The following FNDC1 variants were observed in gnomAD, a reference collection of about 807,000 sequenced individuals.
The protein encoded by FNDC1 is fibronectin type III domain containing 1.
A neutral mutation model predicts 168.0 loss-of-function variants in FNDC1; 96 were observed. The observed-to-expected ratio is 0.57, with a 90% CI of 0.48 to 0.68. FNDC1 has a LOEUF of 0.68. FNDC1 is among the 30% of genes least tolerant of loss of function. The probability of loss-of-function intolerance (pLI) is 0.00; values close to 1 mark genes in which losing one functional copy is unlikely to be tolerated. For synonymous variants in FNDC1, 1,099 were observed against 1,025.9 expected, an observed-to-expected ratio of 1.07 and a Z score of -1.36; for missense variants, 2,587 against 2,482.1, an observed-to-expected ratio of 1.04 and a Z score of -0.90.
chr6:159,174,706 C>G (rs1781728954), intron 1 of FNDC1, among the ~76,000 whole-genome samples: 1 of 152,230 alleles, frequency 6.6e-6, no homozygotes, highest in Non-Finnish European at 1.5e-5. Context: ...TTCAAATAAG[C>G]ACTGATGAGA....
Position 159,233,888 on chromosome 6 carries a change from A to G in FNDC1, c.3376A>G (p.Arg1126Gly). The change falls in exon 11 of 23, where the codon AGG becomes GGG. Residue 1126 changes from arginine (R) to glycine (G), a missense_variant. By Grantham distance (125) the Arg-to-Gly change is moderately radical. Coordinates refer to ENST00000297267, the MANE Select transcript of FNDC1 (RefSeq NM_032532.3). This position sits in a 1 kb window ranked among gnomAD's most constrained non-coding sequence, Gnocchi z 4.6. ...AGGCGCAGGGGCAGGTGGCGACCACAGGTCCCAGCGCGGACATGCGGCCTC... is the reference window on the plus strand; with the variant it reads ...AGGCGCAGGGGCAGGTGGCGACCACGGGTCCCAGCGCGGACATGCGGCCTC... The part of the protein sequence containing the change: ...PTGAGAGGDH[R>G]SQRGHAASPA... The G allele has an allele frequency of 6.5e-7, 1 of 1,547,302 alleles. No homozygotes were observed. The highest frequency in any genetic ancestry group is 8.7e-7 in the Non-Finnish European group (1 of 1,145,332).
chr6:159,196,952 T>A (rs1455432497), intron 1 of FNDC1, among the ~76,000 whole-genome samples: 1 of 152,228 alleles, frequency 6.6e-6, no homozygotes, highest in African/African-American at 2.4e-5. Context: ...TTTGTGGAAA[T>A]GAATGCTGCT....
chr6:159,220,462 C>T (rs1286093995), intron 5 of FNDC1, among the ~76,000 whole-genome samples: 1 of 152,156 alleles, frequency 6.6e-6, no homozygotes, highest in Non-Finnish European at 1.5e-5. Flanking sequence ...ATTAAAGCTG[C>T]AACAGGAGCC....
At chr6:159,270,573 G>A (rs381334) in intron 22 of FNDC1, among the ~76,000 whole-genome samples, 96,645 of 152,124 alleles carry the variant, frequency 0.64, 32,201 homozygotes, top group Middle Eastern at 0.75. Flanking sequence ...GGAAGGGCAG[G>A]CAGCTATTTA....
At chr6:159,216,745 T>C (rs1782717272) in intron 5 of FNDC1, among the ~76,000 whole-genome samples, 1 of 152,258 alleles carries the variant, frequency 6.6e-6, no homozygotes, top group Admixed American at 6.5e-5. Context: ...AAAGTACACT[T>C]GCCCTATGTT....
At chr6:159,245,436 A>G (rs1335077904) in intron 14 of FNDC1, among the ~76,000 whole-genome samples, 22 of 152,184 alleles carry the variant, frequency 1.4e-4, no homozygotes, top group Admixed American at 1.4e-3. Context: ...AGAGAGTTCT[A>G]TTTAATTGCT....
At chr6:159,263,626 G>T (rs1414466018) in intron 19 of FNDC1, among the ~76,000 whole-genome samples, 3 of 152,062 alleles carry the variant, frequency 2.0e-5, no homozygotes, top group Non-Finnish European at 2.9e-5. Context: ...GCCAGGTGTG[G>T]TGGCGGGCGC....
intron 1 of FNDC1, among the ~76,000 whole-genome samples, chr6:159,195,438 C>G (rs1782223521): frequency 6.6e-6 from 1 of 151,972 alleles, no homozygotes; most frequent in Admixed American, 6.6e-5. Flanking sequence ...TGGTAAACAG[C>G]TCTGGAGGTC....
intron 7 of FNDC1, among the ~76,000 whole-genome samples, chr6:159,225,196 C>CAT (rs2114980513): frequency 9.0e-6 from 1 of 110,812 alleles, no homozygotes; most frequent in South Asian, 3.8e-4. Flanking sequence ...CACACACACG[C>CAT]ACAGTCACAC....
intron 22 of FNDC1, among the ~76,000 whole-genome samples, chr6:159,269,225 C>T (rs1346123546): frequency 1.4e-5 from 2 of 138,154 alleles, no homozygotes; most frequent in Non-Finnish European, 3.0e-5. Context: ...ATCTATCTAT[C>T]TATCTATCTA....
intron 14 of FNDC1, among the ~76,000 whole-genome samples, chr6:159,244,353 A>G (rs1281945643): frequency 6.6e-6 from 1 of 152,214 alleles, no homozygotes; most frequent in East Asian, 1.9e-4. Flanking sequence ...TGGCCATTCC[A>G]CCCCTAAACG....
At chr6:159,178,541 AC>A (rs965097727) in intron 1 of FNDC1, among the ~76,000 whole-genome samples, 1 of 152,068 alleles carries the variant, frequency 6.6e-6, no homozygotes, top group Admixed American at 6.5e-5. Flanking sequence ...CCCCTGTGCT[AC>A]CTAATGTAGC....
At position 159,234,198 on chromosome 6, in the gene FNDC1, C is replaced by T; in HGVS notation, c.3686C>T (p.Ala1229Val). The T allele has an allele frequency of 6.3e-7, 1 of 1,598,744 alleles. No individual in the cohort carries two copies. Among genetic ancestry groups the T allele is most frequent in the Non-Finnish European group, 8.5e-7 (1 of 1,172,722 alleles). Residue 1229 changes from alanine (A) to valine (V), a missense_variant, in exon 11 of 23, where the codon GCG becomes GTG. Physicochemically the swap from Ala to Val is moderately conservative, Grantham distance 64. Transcript: ENST00000297267. The stretch of plus-strand genomic sequence containing the variant: ...AAGGAAGAGAGGGAGCCTGCCATCG[C>T]GCTTGCCCCTCGCGGAGGGAGCCTG... The part of the protein sequence containing the change: ...LAKEEREPAI[A>V]LAPRGGSLAP...
rs1477772717 is a variant in FNDC1 at position 159,234,465 on chromosome 6, C to T, written c.3953C>T (p.Pro1318Leu). Residue 1318 changes from proline to leucine, a missense_variant, in exon 11 of 23, where the codon CCC becomes CTC. Coordinates refer to ENST00000297267, the MANE Select transcript of FNDC1 (RefSeq NM_032532.3). Reference sequence around the variant, plus strand: ...CCTCTCTCCCGACAGCCTGCCAGACCCTCTTACAGACAAGGTAGTTTATTT... The same window carrying T: ...CCTCTCTCCCGACAGCCTGCCAGACTCTCTTACAGACAAGGTAGTTTATTT... Reference protein sequence around the residue: ...RNPLSRQPARPSYRQGYNGRP... With the variant: ...RNPLSRQPARLSYRQGYNGRP... The T allele has an allele frequency of 1.2e-6, 2 of 1,613,246 alleles. No individual in the cohort carries two copies. The highest frequency in any genetic ancestry group is 2.7e-5 in the African/African-American group (2 of 74,930).
Position 159,238,587 on chromosome 6 carries a change from G to A in FNDC1, c.4102G>A (p.Ala1368Thr), listed in dbSNP as rs752344023. 3.1e-6 allele frequency: 5 copies of A among 1,611,826 alleles called. No homozygotes were observed. The highest frequency in any genetic ancestry group is 1.7e-4 in the Middle Eastern group (1 of 6,060). ...VDLDRGLVLNAEGRYLQDSHG... is the reference protein window; with the variant it reads ...VDLDRGLVLNTEGRYLQDSHG... ...CCTTGATCGTGGGTTAGTATTGAAT[G>A]CAGAAGGAAGGTACCTCCAAGATTC... The change falls in exon 13 of 23, where the codon GCA (alanine) becomes ACA (threonine). Residue 1368 changes from alanine to threonine, a missense_variant. Ala to Thr is a moderately conservative substitution (Grantham distance 58). Coordinates refer to ENST00000297267, the MANE Select transcript of FNDC1 (RefSeq NM_032532.3).
chr6:159,169,722 G>A lies in FNDC1; in HGVS notation c.109+17G>A. ...CGGCCTCAGGTACGCGCCGCGCCCG[G>A]GCCCCCGGCGCTCCTCAGCTCCCCG... On this transcript the variant is annotated intron_variant, in intron 1 of 22. Transcript: ENST00000297267. The surrounding 1 kb of genome is among the most constrained non-coding windows in gnomAD (Gnocchi z 6.8). 1 of 1,061,440 alleles carries A rather than the reference G, an allele frequency of 9.4e-7. No homozygotes were observed. The highest frequency in any genetic ancestry group is 1.2e-6 in the Non-Finnish European group (1 of 854,772). 65.8% of individuals were successfully genotyped at this position (1,061,440 alleles called of 1,614,324 possible).
chr6:159,228,186 G>A (rs1020943654), intron 9 of FNDC1, among the ~76,000 whole-genome samples: 1 of 152,154 alleles, frequency 6.6e-6, no homozygotes, highest in African/African-American at 2.4e-5. Flanking sequence ...AAGTTCCATG[G>A]TAGTCAATTA....
intron 1 of FNDC1, among the ~76,000 whole-genome samples, chr6:159,183,789 T>C (rs537650567): frequency 2.4e-4 from 37 of 152,290 alleles, no homozygotes; most frequent in Middle Eastern, 6.8e-3. Context: ...GCGCTCACTG[T>C]TGTCGGACAT....
chr6:159,234,429 G>T lies in FNDC1; in HGVS notation c.3917G>T (p.Arg1306Ile). ...TTGCGCCAGAGGATGATGCATGCCA[G>T]ATTCCGTAACCCTCTCTCCCGACAG... ...LSLRQRMMHA[R>I]FRNPLSRQPA... Residue 1306 changes from arginine to isoleucine, a missense_variant, in exon 11 of 23, where the codon AGA (arginine) becomes ATA (isoleucine). Physicochemically the swap from Arg to Ile is moderately conservative, Grantham distance 97 (BLOSUM62 -3). Coordinates refer to ENST00000297267, the MANE Select transcript of FNDC1 (RefSeq NM_032532.3). 6.2e-7 allele frequency: 1 copy of T among 1,613,612 alleles called. No homozygotes were observed. The highest frequency in any genetic ancestry group is 1.1e-5 in the South Asian group (1 of 91,076).
Sources: allele counts gnomAD v4.1 joint callset (sites outside exome capture counted in the v4.1 genomes callset), GRCh38; gene constraint gnomAD v4.1.1; non-coding constraint Gnocchi (gnomAD v3.1); transcripts MANE v1.5; gene names NCBI Gene and HGNC (gene_info 2026-07-23, HGNC 2026-07-21).